Variants in ADARB2 observed in about 807,000 individuals in gnomAD.
ADARB2 encodes the protein inactive double-stranded RNA-specific editase B2.
Under a neutral mutation model 62.2 loss-of-function variants are expected in ADARB2, and 25 were observed. The observed-to-expected ratio is 0.40, with a 90% CI of 0.29 to 0.56. The LOEUF (loss-of-function observed/expected upper bound fraction) is 0.56, where lower values mean the gene tolerates loss of function less well. Ranked by LOEUF, ADARB2 falls within the 20% of genes least tolerant of loss-of-function variation. The pLI is 0.43. For synonymous variants in ADARB2, 572 were observed against 500.8 expected, an observed-to-expected ratio of 1.14 and a Z score of -1.90; for missense variants, 1,071 against 1,077.4, an observed-to-expected ratio of 0.99 and a Z score of 0.08.
chr10:1,375,179 C>T (rs1449554394), intron 2 of ADARB2, among the ~76,000 whole-genome samples: 1 of 152,228 alleles, frequency 6.6e-6, no homozygotes, highest in Non-Finnish European at 1.5e-5. Context: ...TTGTGCCGGG[C>T]AGCCTTGGGC....
intron 1 of ADARB2, among the ~76,000 whole-genome samples, chr10:1,588,993 A>G (rs964788405): frequency 1.3e-5 from 2 of 151,930 alleles, no homozygotes; most frequent in Admixed American, 6.6e-5. Context: ...CAAATCTAAA[A>G]CCCTGTGGCT....
intron 4 of ADARB2, among the ~76,000 whole-genome samples, chr10:1,264,272 A>C (rs1831172132): frequency 6.6e-6 from 1 of 152,190 alleles, no homozygotes; most frequent in Admixed American, 6.5e-5. Flanking sequence ...GCCCGACTGG[A>C]TGCAAATAAA....
At chr10:1,631,292 C>A (rs908011672) in intron 1 of ADARB2, among the ~76,000 whole-genome samples, 1 of 152,084 alleles carries the variant, frequency 6.6e-6, no homozygotes, top group Non-Finnish European at 1.5e-5. Flanking sequence ...GAGCACCCAC[C>A]ACTACCTGGC....
At position 1,181,370 on chromosome 10, in the gene ADARB2, T is replaced by C. The variant is rs1175943341; in HGVS notation, c.*1823A>G. 13 of 152,370 alleles carry C rather than the reference T, an allele frequency of 8.5e-5. No homozygotes were observed. In the East Asian group the frequency reaches 2.3e-3, roughly 27 times the overall value. 9.4% of individuals were successfully genotyped at this position (152,370 alleles called of 1,614,324 possible). ...TTGCACTGAATTAAGATTTCATTTA[T>C]TTTTGTGATTTTTATAAAAGATTAA... is the stretch of plus-strand genomic sequence containing the variant. On this transcript the variant is annotated 3_prime_UTR_variant, in exon 10 of 10. Coordinates refer to ENST00000381312, the MANE Select transcript of ADARB2 (RefSeq NM_018702.4).
rs60781028 is a variant in ADARB2 at position 1,284,634 on chromosome 10, C to T, written c.1078-13565G>A. ...AGAGTTTTAGGGAGATTTGGTAGCT[C>T]GGCCAAAGATCTAAAGCAAGCAAGT... On this transcript the variant is annotated intron_variant, in intron 3 of 9. Coordinates refer to ENST00000381312, the MANE Select transcript of ADARB2 (RefSeq NM_018702.4). Among the ~76,000 whole-genome samples the T allele has an allele frequency of 2.2e-3, 339 of 152,222 alleles. 1 individual carries two copies. Among genetic ancestry groups the T allele is most frequent in the African/African-American group, 7.9e-3 (327 of 41,512 alleles).
At chr10:1,514,334 C>CTTCCA (rs1303859023) in intron 1 of ADARB2, among the ~76,000 whole-genome samples, 1 of 151,668 alleles carries the variant, frequency 6.6e-6, no homozygotes, top group African/African-American at 2.4e-5. Flanking sequence ...AAACCACACA[C>CTTCCA]TTCCACGGCC....
chr10:1,413,989 G>C (rs1005373017), intron 1 of ADARB2, among the ~76,000 whole-genome samples: 22 of 152,126 alleles, frequency 1.4e-4, no homozygotes, highest in African/African-American at 4.8e-4. Context: ...GTGCTCGCTG[G>C]GTGCCAGACC....
chr10:1,692,484 C>T (rs774312626), intron 1 of ADARB2, among the ~76,000 whole-genome samples: 2 of 152,088 alleles, frequency 1.3e-5, no homozygotes, highest in Non-Finnish European at 2.9e-5. Context: ...GTCCACTGTC[C>T]CAAATTCAGC....
At chr10:1,468,117 T>C (rs1298922012) in intron 1 of ADARB2, among the ~76,000 whole-genome samples, 1 of 152,234 alleles carries the variant, frequency 6.6e-6, no homozygotes, top group Non-Finnish European at 1.5e-5. Context: ...TGTCCTTATT[T>C]TCTGTGTTTC....
chr10:1,619,288 GT>G (rs1228691678), intron 1 of ADARB2, among the ~76,000 whole-genome samples: 9 of 69,434 alleles, frequency 1.3e-4, no homozygotes, highest in Admixed American at 3.5e-4. Flanking sequence ...TACATTGAAA[GT>G]AAAAAAAAAA....
intron 3 of ADARB2, among the ~76,000 whole-genome samples, chr10:1,341,931 C>T (rs896731585): frequency 1.3e-5 from 2 of 152,258 alleles, no homozygotes; most frequent in Non-Finnish European, 2.9e-5. Context: ...GAATGGGGCT[C>T]TTTTGTGATA....
intron 1 of ADARB2, among the ~76,000 whole-genome samples, chr10:1,494,724 C>A (rs1006939998): frequency 2.6e-5 from 4 of 152,170 alleles, no homozygotes; most frequent in Admixed American, 2.6e-4. Context: ...GGCTTACTCT[C>A]TGACTCCGAA....
At chr10:1,300,418 C>G (rs774183352) in intron 3 of ADARB2, among the ~76,000 whole-genome samples, 3 of 152,212 alleles carry the variant, frequency 2.0e-5, no homozygotes, top group Non-Finnish European at 4.4e-5. Flanking sequence ...CACCACCTCT[C>G]CTTGGGGCAC....
chr10:1,543,232 C>T (rs76354747), intron 1 of ADARB2, among the ~76,000 whole-genome samples: 3,057 of 152,336 alleles, frequency 0.02, 108 homozygotes, highest in African/African-American at 0.07. Flanking sequence ...GCCCGCCCTC[C>T]TCTACCAGGC....
At chr10:1,272,636 G>C (rs2651485) in intron 3 of ADARB2, among the ~76,000 whole-genome samples, 7,897 of 152,226 alleles carry the variant, frequency 0.052, 705 homozygotes, top group African/African-American at 0.18. Flanking sequence ...CCCCACATAG[G>C]ACAGATTGCA....
Position 1,217,720 on chromosome 10 carries a change from C to T in ADARB2, c.1514-601G>A, listed in dbSNP as rs574028314. Among the ~76,000 whole-genome samples the T allele has an allele frequency of 4.4e-4, 67 of 152,226 alleles. No homozygotes were observed. The East Asian group carries it at 0.011, about 24-fold the overall frequency. ...GTGACCCGGTTACTTCCTCTAATGA[C>T]GAGGGTAATAGCAGTGCTTGCCGCC... On this transcript the variant is annotated intron_variant, in intron 6 of 9. Coordinates refer to ENST00000381312, the MANE Select transcript of ADARB2 (RefSeq NM_018702.4).
Position 1,350,603 on chromosome 10 carries a change from C to T in ADARB2, c.1077+12425G>A, listed in dbSNP as rs569105224. 1.1e-4 allele frequency among the ~76,000 whole-genome samples: 17 copies of T among 152,284 alleles called. 1 individual carries two copies. Among genetic ancestry groups the T allele is most frequent in the Middle Eastern group, 6.8e-3 (2 of 294 alleles). On this transcript the variant is annotated intron_variant, in intron 3 of 9. Transcript: ENST00000381312. The stretch of plus-strand genomic sequence containing the variant: ...GTTAATGCTCCTTTTCTTTACCCGA[C>T]CTCTCCCAAATCAGTTAGCGTTTAG...
At chr10:1,567,125 G>A (rs911865702) in intron 1 of ADARB2, among the ~76,000 whole-genome samples, 4 of 152,162 alleles carry the variant, frequency 2.6e-5, no homozygotes, top group Admixed American at 1.3e-4. Context: ...CCATGTGGGT[G>A]AGGCTGAGGG....
intron 1 of ADARB2, among the ~76,000 whole-genome samples, chr10:1,602,650 A>T (rs1226278200): frequency 8.6e-5 from 13 of 151,740 alleles, no homozygotes; most frequent in African/African-American, 2.9e-4. Flanking sequence ...ATGCACACAC[A>T]CCTGTACATA....
Sources: allele counts gnomAD v4.1 joint callset (sites outside exome capture counted in the v4.1 genomes callset), GRCh38; gene constraint gnomAD v4.1.1; transcripts MANE v1.5; gene names NCBI Gene and HGNC (gene_info 2026-07-23, HGNC 2026-07-21).